SMIM7: variants seen among roughly 807,000 people sequenced by gnomAD.
The protein encoded by SMIM7 is small integral membrane protein 7, also known as UPF0608 protein C19orf42.
Under a neutral mutation model 13.3 loss-of-function variants are expected in SMIM7, and 12 were observed. The observed-to-expected ratio is 0.90, with a 90% confidence interval of 0.58 to 1.46. The LOEUF is 1.46. Ranked by LOEUF, SMIM7 falls within the 40% of genes most tolerant of loss-of-function variation. The probability of loss-of-function intolerance (pLI) is 0.00; values close to 1 mark genes in which losing one functional copy is unlikely to be tolerated. For synonymous variants in SMIM7, 36 were observed against 35.8 expected (o/e 1.01, Z -0.02); for missense variants, 114 against 94.8 (o/e 1.20, Z -0.84).
At chr19:16,651,136 C>A (rs904805106) in intron 4 of SMIM7, among the ~76,000 whole-genome samples, 1 of 152,166 alleles carries the variant, frequency 6.6e-6, no homozygotes, top group Non-Finnish European at 1.5e-5. Context: ...TCACTACCTC[C>A]CTGAGAGGGC....
intron 2 of SMIM7, 79 bp downstream of exon 2, chr19:16,659,880 A>G (rs1004194445): frequency 2.7e-5 from 42 of 1,529,696 alleles, no homozygotes; most frequent in Non-Finnish European, 1.1e-5. Context: ...GGGCCTGAGA[A>G]GTGCGCCGAG....
At chr19:16,655,680 C>CAAAAAAAAAAAAAA (rs869256040) in intron 3 of SMIM7, among the ~76,000 whole-genome samples, 1 of 38,514 alleles carries the variant, frequency 2.6e-5, no homozygotes, top group Middle Eastern at 0.013. Flanking sequence ...GACTCCATCT[C>CAAAAAAAAAAAAAA]AAAAAAAAAA....
downstream of SMIM7, chr19:16,645,157 G>T (rs1599364448): frequency 6.6e-6 from 1 of 152,178 alleles, no homozygotes; most frequent in Admixed American, 6.5e-5. Flanking sequence ...AAAATGTACA[G>T]CAGCCACCAA....
chr19:16,654,711 G>A (rs1224978348), intron 3 of SMIM7, among the ~76,000 whole-genome samples: 3 of 151,700 alleles, frequency 2.0e-5, no homozygotes, highest in Non-Finnish European at 4.4e-5. Flanking sequence ...AAAGAAAGAA[G>A]ACTATTTTGT....
At chr19:16,649,663 A>G (rs1214862435) in intron 4 of SMIM7, among the ~76,000 whole-genome samples, 1 of 152,228 alleles carries the variant, frequency 6.6e-6, no homozygotes, top group African/African-American at 2.4e-5. Context: ...AAATCTGTAC[A>G]AAAACTTGTA....
At chr19:16,634,290 C>G (rs1023302788) in intron 4 of SMIM7, 1 of 152,100 alleles carries the variant, frequency 6.6e-6, no homozygotes, top group Admixed American at 6.6e-5. Context: ...CCATGAAGCC[C>G]CCTTGGACAC....
At chr19:16,656,786 C>G (rs2122550034) in intron 3 of SMIM7, among the ~76,000 whole-genome samples, 1 of 151,844 alleles carries the variant, frequency 6.6e-6, no homozygotes, top group South Asian at 2.1e-4. Flanking sequence ...GTAATCCCAG[C>G]TAATAGGGAA....
intron 3 of SMIM7, among the ~76,000 whole-genome samples, chr19:16,657,084 A>G (rs1168927478): frequency 6.6e-6 from 1 of 152,102 alleles, no homozygotes; most frequent in African/African-American, 2.4e-5. Flanking sequence ...CTCTTGTGTC[A>G]ATAGGGGTGT....
intron 4 of SMIM7, among the ~76,000 whole-genome samples, chr19:16,649,098 A>G (rs991341142): frequency 6.6e-6 from 1 of 152,216 alleles, no homozygotes; most frequent in African/African-American, 2.4e-5. Context: ...TGGCAAGGAT[A>G]CGGAGAAAGT....
Position 16,646,364 on chromosome 19 carries a change from C to T in SMIM7, c.*882G>A, listed in dbSNP as rs887950440. 3.9e-5 allele frequency: 6 copies of T among 152,144 alleles called. No homozygotes were observed. Among genetic ancestry groups the T allele is most frequent in the Non-Finnish European group, 5.9e-5 (4 of 68,036 alleles). 9.4% of individuals were successfully genotyped at this position (152,144 alleles called of 1,614,324 possible). ...CAGTTGTGGGATTCAGCGCCAACCC[C>T]GGGCGTTTCATTTTGGCAACAAAAC... On this transcript the variant is annotated 3_prime_UTR_variant, in exon 5 of 5. Transcript: ENST00000487416.
chr19:16,646,593 C>T lies in SMIM7; in HGVS notation c.*653G>A, dbSNP rs2086451075. ...TGGCTCCCAAAGTCATTTTATTTAA[C>T]AAAGGGGTCAAGGCAGAGGAAAGTT... On this transcript the variant is annotated 3_prime_UTR_variant, in exon 5 of 5. Coordinates refer to ENST00000487416, the MANE Select transcript of SMIM7 (RefSeq NM_024104.4). 1 of 154,832 alleles carries T rather than the reference C, an allele frequency of 6.5e-6. No homozygotes were observed. The highest frequency in any genetic ancestry group is 6.5e-5 in the Admixed American group (1 of 15,300). 9.6% of individuals were successfully genotyped at this position (154,832 alleles called of 1,614,324 possible).
intron 4 of SMIM7, among the ~76,000 whole-genome samples, chr19:16,651,642 C>A (rs144822377): frequency 2.6e-5 from 4 of 152,168 alleles, no homozygotes; most frequent in Admixed American, 2.0e-4. Context: ...ACAGGAAAGA[C>A]GAGAATGAGA....
chr19:16,647,821 G>A (rs575763291), intron 4 of SMIM7, among the ~76,000 whole-genome samples: 14 of 152,028 alleles, frequency 9.2e-5, no homozygotes, highest in Non-Finnish European at 1.6e-4. Context: ...AGGAACTTTC[G>A]GTATTATCTT....
intron 4 of SMIM7, among the ~76,000 whole-genome samples, chr19:16,647,474 T>A (rs889574426): frequency 1.3e-5 from 2 of 151,050 alleles, no homozygotes; most frequent in East Asian, 1.9e-4. Flanking sequence ...TTTTTTTTTT[T>A]AGACAGAGTC....
At chr19:16,637,103 G>A (rs766507856) in intron 4 of SMIM7, among the ~76,000 whole-genome samples, 15 of 152,210 alleles carry the variant, frequency 9.9e-5, no homozygotes, top group South Asian at 2.1e-4. Context: ...TAACTAAGAC[G>A]GAGACTGAAA....
chr19:16,639,161 G>C (rs554647554), intron 4 of SMIM7, among the ~76,000 whole-genome samples: 3 of 139,320 alleles, frequency 2.2e-5, no homozygotes, highest in African/African-American at 8.3e-5. Context: ...TTGCTCTGTC[G>C]CCCAGGCTGG....
chr19:16,652,910 A>T, intron 4 of SMIM7: 1 of 1,550,630 alleles, frequency 6.4e-7, no homozygotes, highest in Non-Finnish European at 8.7e-7. Flanking sequence ...GTAGTATCAG[A>T]GTTATGGCCC....
At chr19:16,656,180 G>A (rs1027371856) in intron 3 of SMIM7, among the ~76,000 whole-genome samples, 4 of 152,088 alleles carry the variant, frequency 2.6e-5, no homozygotes, top group African/African-American at 9.7e-5. Flanking sequence ...GAGGTCGCGA[G>A]TTTGAGATCA....
intron 4 of SMIM7, among the ~76,000 whole-genome samples, chr19:16,649,530 G>A (rs915301570): frequency 6.6e-6 from 1 of 152,086 alleles, no homozygotes; most frequent in African/African-American, 2.4e-5. Flanking sequence ...CTGAGAACGT[G>A]CCACTGCACT....
Sources: gnomAD v4.1 joint callset for allele counts (sites outside exome capture counted in the v4.1 genomes callset) on GRCh38, gnomAD v4.1.1 for gene constraint, MANE v1.5 for transcripts, NCBI Gene and HGNC (gene_info 2026-07-23, HGNC 2026-07-21) for gene names.